HIVEP1: variants seen among roughly 807,000 people sequenced by gnomAD.
HIVEP1 encodes HIVEP zinc finger 1.
Under a neutral mutation model 180.0 loss-of-function variants are expected in HIVEP1, and 36 were observed. The ratio of observed to expected loss-of-function variants is 0.20; its 90% confidence interval spans 0.15 to 0.26. The LOEUF (loss-of-function observed/expected upper bound fraction) is 0.26, where lower values mean the gene tolerates loss of function less well. HIVEP1 is among the 10% of genes least tolerant of loss of function. The pLI is 1.00. For synonymous variants in HIVEP1, 1,239 were observed against 1,239.0 expected (o/e 1.00, Z 0.00); for missense variants, 3,143 against 3,268.7 (o/e 0.96, Z 0.94).
At chr6:12,042,373 A>G (rs4714134) in intron 2 of HIVEP1, among the ~76,000 whole-genome samples, 111,912 of 143,306 alleles carry the variant, frequency 0.78, 43,717 homozygotes, top group Middle Eastern at 0.92. Context: ...GAGCCACCGC[A>G]CCCGGCCGCT....
intron 2 of HIVEP1, among the ~76,000 whole-genome samples, chr6:12,049,596 A>G (rs1437131788): frequency 6.6e-6 from 1 of 152,264 alleles, no homozygotes; most frequent in East Asian, 1.9e-4. Context: ...TCACAAATCA[A>G]CACAAATAAT....
the HIVEP1 span, among the ~76,000 whole-genome samples, chr6:12,200,848 C>G: frequency 6.6e-6 from 1 of 152,176 alleles, no homozygotes; most frequent in Admixed American, 6.5e-5. Flanking sequence ...TTTTAATAAC[C>G]CTTCCCCCCA....
downstream of HIVEP1, among the ~76,000 whole-genome samples, chr6:12,167,579 T>TAA (rs1340281825): frequency 2.4e-3 from 22 of 9,184 alleles, 11 homozygotes; most frequent in Non-Finnish European, 3.8e-3. Context: ...ATGTTATATA[T>TAA]ACGTTATATT....
intron 3 of HIVEP1, among the ~76,000 whole-genome samples, chr6:12,107,469 T>C (rs1209920600): frequency 6.6e-6 from 1 of 152,240 alleles, no homozygotes; most frequent in African/African-American, 2.4e-5. Flanking sequence ...GCTGTTGCTG[T>C]GTCCAGAATT....
intron 2 of HIVEP1, among the ~76,000 whole-genome samples, chr6:12,062,843 T>C (rs1771328356): frequency 6.6e-6 from 1 of 152,242 alleles, no homozygotes; most frequent in African/African-American, 2.4e-5. Context: ...ATTGAAAGTA[T>C]AGTGTAGTCT....
At chr6:12,032,773 A>G (rs968146384) in intron 2 of HIVEP1, among the ~76,000 whole-genome samples, 3 of 152,138 alleles carry the variant, frequency 2.0e-5, no homozygotes, top group African/African-American at 7.2e-5. Flanking sequence ...CACCAGATTT[A>G]TCTTCTTGCT....
chr6:12,072,842 CTTCA>C (rs1772074955), intron 2 of HIVEP1, among the ~76,000 whole-genome samples: 1 of 152,090 alleles, frequency 6.6e-6, no homozygotes, highest in South Asian at 2.1e-4. Flanking sequence ...ATCTTCTACT[CTTCA>C]TTCATTCTTT....
chr6:12,100,350 C>T (rs981200012), intron 3 of HIVEP1, among the ~76,000 whole-genome samples: 2 of 152,170 alleles, frequency 1.3e-5, no homozygotes, highest in African/African-American at 4.8e-5. Context: ...ATACTCCCCA[C>T]CATGGATGAT....
chr6:12,077,738 C>T (rs1183183983), intron 2 of HIVEP1, among the ~76,000 whole-genome samples: 2 of 152,214 alleles, frequency 1.3e-5, no homozygotes, highest in Non-Finnish European at 2.9e-5. Flanking sequence ...TCTGTTGAGA[C>T]TTCTAGAAGA....
chr6:12,099,600 C>G (rs111471201), intron 3 of HIVEP1, among the ~76,000 whole-genome samples: 100 of 152,240 alleles, frequency 6.6e-4, no homozygotes, highest in African/African-American at 2.3e-3. Context: ...ATGCAACTCA[C>G]TTCTCCACAC....
the HIVEP1 span, among the ~76,000 whole-genome samples, chr6:12,171,552 G>A: frequency 0.24 from 36,794 of 151,556 alleles, 4,998 homozygotes; most frequent in Non-Finnish European, 0.31. Flanking sequence ...ATAATCTGGC[G>A]GGTTCCTCAC....
intron 3 of HIVEP1, 65 bp downstream of exon 3, chr6:12,089,302 A>G: frequency 1.2e-6 from 1 of 868,598 alleles, no homozygotes; most frequent in Admixed American, 2.2e-5. Flanking sequence ...TATACCTCAT[A>G]AATGTAGCCT....
intron 3 of HIVEP1, among the ~76,000 whole-genome samples, chr6:12,098,952 T>C (rs113327595): frequency 3.3e-5 from 5 of 152,208 alleles, no homozygotes; most frequent in African/African-American, 1.2e-4. Flanking sequence ...CAATGGGGTA[T>C]AAAATTATTT....
chr6:12,127,568 T>G (rs1050549834), intron 4 of HIVEP1, among the ~76,000 whole-genome samples: 5 of 152,158 alleles, frequency 3.3e-5, no homozygotes, highest in Non-Finnish European at 7.3e-5. Flanking sequence ...GATGGAAGTG[T>G]GTAGAGTAGA....
At chr6:12,060,550 A>G (rs1771158446) in intron 2 of HIVEP1, among the ~76,000 whole-genome samples, 1 of 151,808 alleles carries the variant, frequency 6.6e-6, no homozygotes. Flanking sequence ...TGACTGTCAT[A>G]ATGGATGGCC....
chr6:12,050,585 CAA>C (rs57114429), intron 2 of HIVEP1, among the ~76,000 whole-genome samples: 6 of 143,738 alleles, frequency 4.2e-5, no homozygotes, highest in East Asian at 2.1e-4. Flanking sequence ...GACTCCGTCT[CAA>C]AAAAAAAAAA....
chr6:12,064,615 T>C (rs762617275), intron 2 of HIVEP1, among the ~76,000 whole-genome samples: 1 of 152,212 alleles, frequency 6.6e-6, no homozygotes, highest in Non-Finnish European at 1.5e-5. Context: ...AACTTCAGTT[T>C]TGAGCCAGAA....
chr6:12,041,447 C>G (rs964400653), intron 2 of HIVEP1, among the ~76,000 whole-genome samples: 1 of 145,856 alleles, frequency 6.9e-6, no homozygotes, highest in African/African-American at 2.5e-5. Context: ...AAAAAAAAGC[C>G]GGAGAAAGTG....
intron 2 of HIVEP1, among the ~76,000 whole-genome samples, chr6:12,067,581 A>T (rs1771684189): frequency 6.6e-6 from 1 of 152,120 alleles, no homozygotes; most frequent in East Asian, 1.9e-4. Context: ...ATGGCGTAGA[A>T]TGGTTTGGAT....
Sources: allele counts gnomAD v4.1 joint callset (sites outside exome capture counted in the v4.1 genomes callset), GRCh38; gene constraint gnomAD v4.1.1; transcripts MANE v1.5; gene names NCBI Gene and HGNC (gene_info 2026-07-23, HGNC 2026-07-21).